RIT2: variants seen among roughly 807,000 people sequenced by gnomAD.
RIT2 encodes GTP-binding protein Rit2.
Under a neutral mutation model 23.7 loss-of-function variants are expected in RIT2, and 24 were observed. The ratio of observed to expected loss-of-function variants is 1.01; its 90% CI spans 0.73 to 1.43. RIT2 has a LOEUF of 1.43. Among genes scored for constraint, RIT2 ranks in the 40% most tolerant of loss-of-function variants. The pLI, the probability that RIT2 is intolerant of heterozygous loss-of-function variation, is 0.00. For synonymous variants in RIT2, 107 were observed against 91.1 expected (o/e 1.17, Z -0.99); for missense variants, 236 against 266.9 (o/e 0.88, Z 0.81).
intron 1 of RIT2, among the ~76,000 whole-genome samples, chr18:43,099,247 A>T (rs1226658391): frequency 3.3e-5 from 5 of 152,044 alleles, no homozygotes; most frequent in African/African-American, 1.2e-4. Flanking sequence ...AGAACTCAAT[A>T]CATCTATACT....
At chr18:42,842,033 A>G (rs1906781209) in intron 4 of RIT2, among the ~76,000 whole-genome samples, 2 of 152,234 alleles carry the variant, frequency 1.3e-5, no homozygotes, top group African/African-American at 4.8e-5. Context: ...CCATTGTTCC[A>G]GACAACTTCC....
chr18:43,015,247 A>G (rs928108190), intron 2 of RIT2, among the ~76,000 whole-genome samples: 1 of 151,692 alleles, frequency 6.6e-6, no homozygotes, highest in Non-Finnish European at 1.5e-5. Context: ...TCAATAGCTC[A>G]ATGATAGCAT....
rs528930544 is a variant in RIT2 at position 42,827,787 on chromosome 18, C to T, written c.427-84067G>A. 9.8e-4 allele frequency among the ~76,000 whole-genome samples: 149 copies of T among 151,854 alleles called. No individual in the cohort carries two copies. In the Middle Eastern group the frequency reaches 0.014, roughly 14 times the overall value. ...TTGGGAGGCCGAGGCGGGCGGATCA[C>T]GAGGTCAGGAAATCAAGACCATCCT... On this transcript the variant is annotated intron_variant, in intron 4 of 4. Transcript: ENST00000326695.
intron 1 of RIT2, among the ~76,000 whole-genome samples, chr18:43,103,853 G>A (rs1913746147): frequency 6.6e-6 from 1 of 152,112 alleles, no homozygotes; most frequent in African/African-American, 2.4e-5. Context: ...ATTTCAGGAC[G>A]GTGGTATGAA....
intron 2 of RIT2, among the ~76,000 whole-genome samples, chr18:43,017,357 C>T (rs978486610): frequency 1.3e-5 from 2 of 149,418 alleles, no homozygotes; most frequent in African/African-American, 4.9e-5. Context: ...TATTAGGAGT[C>T]AATAAATAAT....
intron 4 of RIT2, among the ~76,000 whole-genome samples, chr18:42,849,974 A>G (rs1197226713): frequency 6.6e-6 from 1 of 152,094 alleles, no homozygotes; most frequent in Non-Finnish European, 1.5e-5. Context: ...ATAGTCCACA[A>G]TTCTTATGTT....
rs750263489 is a variant in RIT2 at position 42,821,819 on chromosome 18, A to G, written c.427-78099T>C. Reference sequence around the variant, plus strand: ...GTGAAGCCCTGTGATACAAAAGCATATAAAAAGGAACACAGTTCCTAACCT... The same window carrying G: ...GTGAAGCCCTGTGATACAAAAGCATGTAAAAAGGAACACAGTTCCTAACCT... On this transcript the variant is annotated intron_variant, in intron 4 of 4. Transcript: ENST00000326695. 2.6e-5 allele frequency among the ~76,000 whole-genome samples: 4 copies of G among 152,204 alleles called. No homozygotes were observed. In the South Asian group the frequency reaches 8.3e-4, roughly 31 times the overall value.
At chr18:42,770,616 G>A (rs1379423236) in intron 4 of RIT2, among the ~76,000 whole-genome samples, 1 of 152,144 alleles carries the variant, frequency 6.6e-6, no homozygotes, top group Non-Finnish European at 1.5e-5. Flanking sequence ...AAAACAAAAA[G>A]GACACAATTA....
At chr18:42,834,007 A>G (rs1209336114) in intron 4 of RIT2, among the ~76,000 whole-genome samples, 1 of 152,116 alleles carries the variant, frequency 6.6e-6, no homozygotes. Flanking sequence ...ACCACTAAAA[A>G]TACATATTGC....
chr18:42,931,786 C>A (rs1909332532), intron 3 of RIT2, among the ~76,000 whole-genome samples: 1 of 152,070 alleles, frequency 6.6e-6, no homozygotes, highest in African/African-American at 2.4e-5. Context: ...GCAGTTTAGT[C>A]ATTCCCAATG....
At chr18:42,911,916 T>TA (rs1449961253) in intron 4 of RIT2, among the ~76,000 whole-genome samples, 7 of 151,870 alleles carry the variant, frequency 4.6e-5, no homozygotes, top group African/African-American at 1.7e-4. Context: ...GAAAAGGGAA[T>TA]ACTTCCTAAT....
At chr18:43,098,392 C>A (rs1187984474) in intron 1 of RIT2, among the ~76,000 whole-genome samples, 1 of 151,882 alleles carries the variant, frequency 6.6e-6, no homozygotes, top group South Asian at 2.1e-4. Flanking sequence ...TTTGGTTCCC[C>A]TCCTTCTAAG....
chr18:42,792,913 C>T (rs1914074970), intron 4 of RIT2, among the ~76,000 whole-genome samples: 1 of 152,120 alleles, frequency 6.6e-6, no homozygotes, highest in African/African-American at 2.4e-5. Context: ...CTGTGCAAAA[C>T]TGCAGTGAGT....
At chr18:43,017,288 T>C (rs1255910019) in intron 2 of RIT2, among the ~76,000 whole-genome samples, 4 of 152,024 alleles carry the variant, frequency 2.6e-5, no homozygotes, top group Admixed American at 1.3e-4. Flanking sequence ...TCAGTCAATA[T>C]GTAGGTCATG....
intron 4 of RIT2, among the ~76,000 whole-genome samples, chr18:42,848,947 A>G (rs984423381): frequency 1.3e-5 from 2 of 152,216 alleles, no homozygotes; most frequent in Non-Finnish European, 2.9e-5. Context: ...TAGGCCTTCT[A>G]TCCACTTGTA....
chr18:42,905,469 G>A (rs948014957), intron 4 of RIT2, among the ~76,000 whole-genome samples: 15 of 152,044 alleles, frequency 9.9e-5, no homozygotes, highest in African/African-American at 3.6e-4. Context: ...GAAAAACATG[G>A]TTGTTTGTTT....
chr18:42,966,610 T>C (rs774915453), intron 3 of RIT2, among the ~76,000 whole-genome samples: 3 of 150,422 alleles, frequency 2.0e-5, no homozygotes, highest in Non-Finnish European at 4.4e-5. Flanking sequence ...GGTGATATGA[T>C]AAAATATGTA....
intron 4 of RIT2, among the ~76,000 whole-genome samples, chr18:42,807,527 G>T (rs796302035): frequency 6.6e-6 from 1 of 152,106 alleles, no homozygotes; most frequent in Non-Finnish European, 1.5e-5. Flanking sequence ...GAAGGGAGGA[G>T]AATTGCTTGA....
chr18:42,847,490 A>G (rs1906941740), intron 4 of RIT2, among the ~76,000 whole-genome samples: 1 of 152,114 alleles, frequency 6.6e-6, no homozygotes, highest in Non-Finnish European at 1.5e-5. Flanking sequence ...AATTACCTTC[A>G]CTTTAAAGAT....
Sources: gnomAD v4.1 joint callset for allele counts (sites outside exome capture counted in the v4.1 genomes callset) on GRCh38, gnomAD v4.1.1 for gene constraint, MANE v1.5 for transcripts, NCBI Gene and HGNC (gene_info 2026-07-23, HGNC 2026-07-21) for gene names.